SPAG16: variants seen among roughly 807,000 people sequenced by gnomAD.
The protein encoded by SPAG16 is sperm-associated antigen 16 protein.
A neutral mutation model predicts 80.4 loss-of-function variants in SPAG16; 86 were observed. The ratio of observed to expected loss-of-function variants is 1.07; its 90% CI spans 0.90 to 1.28. The LOEUF (loss-of-function observed/expected upper bound fraction) is 1.28, where lower values mean the gene tolerates loss of function less well. SPAG16 is among the 50% of genes most tolerant of loss of function. SPAG16 has a pLI of 0.00. For synonymous variants in SPAG16, 294 were observed against 265.9 expected (o/e 1.11, Z -1.03); for missense variants, 870 against 765.3 (o/e 1.14, Z -1.61).
chr2:213,787,057 CAT>C (rs771308163), intron 10 of SPAG16, among the ~76,000 whole-genome samples: 43 of 152,032 alleles, frequency 2.8e-4, no homozygotes, highest in Non-Finnish European at 5.4e-4. Context: ...TTTAATGTCT[CAT>C]ATCCAAGTCG....
chr2:213,748,479 ATAAT>A (rs1420741062), intron 10 of SPAG16, among the ~76,000 whole-genome samples: 5 of 152,210 alleles, frequency 3.3e-5, no homozygotes, highest in South Asian at 4.1e-4. Context: ...AAATGAAGAA[ATAAT>A]TAATAAGTTT....
intron 13 of SPAG16, among the ~76,000 whole-genome samples, chr2:214,073,205 A>G (rs1242268224): frequency 6.6e-6 from 1 of 151,268 alleles, no homozygotes; most frequent in African/African-American, 2.4e-5. Flanking sequence ...GCTAAAAACT[A>G]AAAAATATTA....
intron 13 of SPAG16, among the ~76,000 whole-genome samples, chr2:214,024,747 C>T (rs991090578): frequency 2.6e-5 from 4 of 151,422 alleles, no homozygotes; most frequent in Admixed American, 6.6e-5. Flanking sequence ...CATGCATCTA[C>T]CTTTTCAGGT....
At chr2:213,959,319 G>T (rs985257053) in intron 12 of SPAG16, among the ~76,000 whole-genome samples, 1 of 152,134 alleles carries the variant, frequency 6.6e-6, no homozygotes, top group Non-Finnish European at 1.5e-5. Flanking sequence ...TCATAAATTT[G>T]TGTAATATAG....
intron 11 of SPAG16, among the ~76,000 whole-genome samples, chr2:213,873,946 C>T (rs2162504): frequency 0.59 from 90,443 of 152,040 alleles, 28,776 homozygotes; most frequent in South Asian, 0.85. Flanking sequence ...AGCATATTGC[C>T]ATTGCTATTG....
Position 213,848,593 on chromosome 2 carries a change from T to C in SPAG16, c.1071-13892T>C, listed in dbSNP as rs942121444. Among the ~76,000 whole-genome samples the C allele has an allele frequency of 4.6e-5, 7 of 152,224 alleles. No homozygotes were observed. The South Asian group carries it at 1.4e-3, about 32-fold the overall frequency. The stretch of plus-strand genomic sequence containing the variant: ...CATTTATCCATTGTAGTTATATCTA[T>C]CTGGTTGCCACCCCTGAATTCAAGT... On this transcript the variant is annotated intron_variant, in intron 10 of 15. Transcript: ENST00000331683.
intron 10 of SPAG16, among the ~76,000 whole-genome samples, chr2:213,798,586 T>C (rs926202134): frequency 2.0e-5 from 3 of 152,156 alleles, no homozygotes; most frequent in African/African-American, 7.2e-5. Flanking sequence ...ATAAAACTTT[T>C]AAATTCTGAT....
At chr2:213,565,706 T>G (rs775165618) in intron 10 of SPAG16, among the ~76,000 whole-genome samples, 7 of 152,200 alleles carry the variant, frequency 4.6e-5, no homozygotes, top group African/African-American at 7.2e-5. Flanking sequence ...TGGCTTTCAG[T>G]TGAGATGCTG....
chr2:213,999,890 T>G (rs1271281499), intron 12 of SPAG16, among the ~76,000 whole-genome samples: 2 of 152,194 alleles, frequency 1.3e-5, no homozygotes, highest in Non-Finnish European at 2.9e-5. Flanking sequence ...TGTGCCAATT[T>G]CTCCCATTTG....
intron 10 of SPAG16, among the ~76,000 whole-genome samples, chr2:213,672,665 C>T (rs2063857669): frequency 6.6e-6 from 1 of 151,950 alleles, no homozygotes; most frequent in Non-Finnish European, 1.5e-5. Flanking sequence ...TTATCAGTTT[C>T]TAATCATATT....
At chr2:214,267,095 T>G (rs902867849) in intron 15 of SPAG16, among the ~76,000 whole-genome samples, 1 of 151,634 alleles carries the variant, frequency 6.6e-6, no homozygotes, top group African/African-American at 2.4e-5. Context: ...ATCCTAAAAT[T>G]TGTATGGAAC....
At chr2:213,592,575 A>C (rs1290381138) in intron 10 of SPAG16, among the ~76,000 whole-genome samples, 1 of 152,206 alleles carries the variant, frequency 6.6e-6, no homozygotes, top group African/African-American at 2.4e-5. Flanking sequence ...CAATCTTAAC[A>C]ATCTAGTAAT....
intron 15 of SPAG16, chr2:214,280,693 TG>T: frequency 2.9e-6 from 1 of 346,844 alleles, no homozygotes; most frequent in South Asian, 3.1e-5. Flanking sequence ...TTGAGCTACC[TG>T]ATCTTTCTTC....
intron 10 of SPAG16, among the ~76,000 whole-genome samples, chr2:213,631,841 A>G (rs1368254907): frequency 6.6e-6 from 1 of 152,172 alleles, no homozygotes; most frequent in Non-Finnish European, 1.5e-5. Context: ...CTATGGGCCT[A>G]TGTGTGTGGT....
At chr2:213,498,863 G>A (rs1389309393) in intron 10 of SPAG16, among the ~76,000 whole-genome samples, 1 of 152,072 alleles carries the variant, frequency 6.6e-6, no homozygotes, top group Non-Finnish European at 1.5e-5. Context: ...AAAATGAGTT[G>A]TTCAGTCATT....
chr2:213,552,237 A>T (rs2076800219), intron 10 of SPAG16, among the ~76,000 whole-genome samples: 1 of 152,118 alleles, frequency 6.6e-6, no homozygotes, highest in African/African-American at 2.4e-5. Context: ...GCGCCCCATA[A>T]ATCATGGAAA....
At chr2:214,402,096 A>T (rs961721088) in intron 15 of SPAG16, among the ~76,000 whole-genome samples, 16 of 151,908 alleles carry the variant, frequency 1.1e-4, no homozygotes, top group Admixed American at 9.2e-4. Context: ...AGGAAACACA[A>T]CTCTTAACTC....
chr2:213,761,457 G>T (rs1277257788), intron 10 of SPAG16, among the ~76,000 whole-genome samples: 3 of 152,026 alleles, frequency 2.0e-5, no homozygotes, highest in African/African-American at 7.2e-5. Context: ...ATAAACCAAT[G>T]AACCCAAGAC....
rs114046099 is a variant in SPAG16, at chr2:213,857,393, A to T, written c.1071-5092A>T. ...AGCTGGTAACTTTAAGTTGAAGCCA[A>T]TGCTCATTGACCATGTTGAAAATCC... On this transcript the variant is annotated intron_variant, in intron 10 of 15. Coordinates refer to ENST00000331683, the MANE Select transcript of SPAG16 (RefSeq NM_024532.5). Among the ~76,000 whole-genome samples, 712 of 152,282 alleles carry T rather than the reference A, an allele frequency of 4.7e-3. 8 individuals carry two copies. Among genetic ancestry groups the T allele is most frequent in the African/African-American group, 0.016 (685 of 41,536 alleles).
Sources: allele counts gnomAD v4.1 joint callset (sites outside exome capture counted in the v4.1 genomes callset), GRCh38; gene constraint gnomAD v4.1.1; transcripts MANE v1.5; gene names NCBI Gene and HGNC (gene_info 2026-07-23, HGNC 2026-07-21).